Variants in TBCD observed in about 807,000 individuals in gnomAD.
TBCD encodes the protein tubulin-specific chaperone D.
A neutral mutation model predicts 169.3 loss-of-function variants in TBCD; 105 were observed. The observed-to-expected ratio is 0.62, with a 90% CI of 0.53 to 0.73. The LOEUF (loss-of-function observed/expected upper bound fraction) is 0.73. Among genes scored for constraint, TBCD ranks in the 30% least tolerant of loss-of-function variants. The probability of loss-of-function intolerance (pLI) is 0.00; values close to 1 mark genes in which losing one functional copy is unlikely to be tolerated. For missense variants in TBCD, 1,444 were observed against 1,600.1 expected (o/e 0.90, Z 1.66); for synonymous variants, 700 against 643.9 (o/e 1.09, Z -1.32).
At chr17:82,938,347 C>T (rs1345278156) in intron 36 of TBCD, among the ~76,000 whole-genome samples, 2 of 152,182 alleles carry the variant, frequency 1.3e-5, no homozygotes, top group Non-Finnish European at 2.9e-5. Context: ...GTCCGGCTGG[C>T]GTTTCTATGG....
intron 32 of TBCD, 182 bp downstream of exon 32, chr17:82,929,682 C>G (rs772271410): frequency 5.9e-6 from 5 of 841,186 alleles, no homozygotes; most frequent in Non-Finnish European, 9.7e-6. Flanking sequence ...AGGCTTAGGG[C>G]CTGTGGGATG....
intron 7 of TBCD, among the ~76,000 whole-genome samples, chr17:82,783,075 G>A (rs1288211228): frequency 1.3e-5 from 2 of 151,790 alleles, no homozygotes; most frequent in African/African-American, 4.8e-5. Flanking sequence ...GCCAGGGAGC[G>A]GGAGGCTGTC....
Position 82,945,724 on chromosome 17 carries a change from A to G in TBCD, c.*3261A>G, listed in dbSNP as rs1450001324. ...CAGCAACATCCCAGATGGAAGCAGCATCCCCCTACCCAGCTGTGACAAAAA... is the reference window on the plus strand; with the variant it reads ...CAGCAACATCCCAGATGGAAGCAGCGTCCCCCTACCCAGCTGTGACAAAAA... On this transcript the variant is annotated 3_prime_UTR_variant, in exon 39 of 39. Coordinates refer to ENST00000355528, the MANE Select transcript of TBCD (RefSeq NM_005993.5). The G allele has an allele frequency of 1.3e-5, 2 of 152,196 alleles. No homozygotes were observed. Among genetic ancestry groups the G allele is most frequent in the Non-Finnish European group, 2.9e-5 (2 of 68,036 alleles). 9.4% of individuals were successfully genotyped at this position (152,196 alleles called of 1,614,324 possible). A position where few individuals can be genotyped will look rare whatever the true frequency, so the allele number is the denominator to read the frequency against.
intron 37 of TBCD, 75 bp downstream of exon 37, chr17:82,939,551 G>A (rs372283604): frequency 6.7e-6 from 8 of 1,201,902 alleles, no homozygotes; most frequent in South Asian, 2.6e-5. Context: ...GTGTCTACTC[G>A]TCTCTCCCAA....
intron 13 of TBCD, chr17:82,830,238 T>C (rs779153725): frequency 2.7e-5 from 44 of 1,614,118 alleles, no homozygotes; most frequent in Non-Finnish European, 3.6e-5. Context: ...CAGCATCCCT[T>C]AGACTTGTCC....
In TBCD at chr17:82,884,326, C is replaced by A; in HGVS notation, c.1533+124C>A. ...ATCCACAGCAGGAGCCGCGAGGGAG[C>A]TGCTGAGAGTGCCAGCTGCGGGCAG... On this transcript the variant is annotated intron_variant, in intron 15 of 38. Transcript: ENST00000355528. This position sits in a 1 kb window ranked among gnomAD's most constrained non-coding sequence, Gnocchi z 4.2. The A allele has an allele frequency of 1.1e-6, 1 of 898,984 alleles. No homozygotes were observed. Among genetic ancestry groups the A allele is most frequent in the Non-Finnish European group, 1.8e-6 (1 of 567,530 alleles). 55.7% of individuals were successfully genotyped at this position (898,984 alleles called of 1,614,324 possible). A position where few individuals can be genotyped will look rare whatever the true frequency, so the allele number is the denominator to read the frequency against.
intron 13 of TBCD, among the ~76,000 whole-genome samples, chr17:82,854,699 C>T (rs781651196): frequency 2.6e-5 from 4 of 152,130 alleles, no homozygotes; most frequent in Non-Finnish European, 5.9e-5. Flanking sequence ...TGTAAGAGCA[C>T]GGTGCTGGAG....
At chr17:82,808,195 G>A (rs2051123781) in intron 11 of TBCD, among the ~76,000 whole-genome samples, 2 of 152,198 alleles carry the variant, frequency 1.3e-5, no homozygotes, top group Non-Finnish European at 2.9e-5. Context: ...GCCTGGAGGA[G>A]CCGGTGGCCC....
At chr17:82,914,442 G>A (rs2060883717) in intron 23 of TBCD, among the ~76,000 whole-genome samples, 1 of 152,224 alleles carries the variant, frequency 6.6e-6, no homozygotes, top group African/African-American at 2.4e-5. Context: ...GCATCTTTAT[G>A]GGAGGCATCC....
intron 34 of TBCD, among the ~76,000 whole-genome samples, chr17:82,933,095 G>A (rs557054538): frequency 1.2e-3 from 180 of 152,178 alleles, no homozygotes; most frequent in Non-Finnish European, 2.5e-4. Context: ...GATGAGACTC[G>A]CAGGGGAGAG....
At chr17:82,823,627 G>C (rs2052591273) in intron 13 of TBCD, among the ~76,000 whole-genome samples, 1 of 151,290 alleles carries the variant, frequency 6.6e-6, no homozygotes, top group African/African-American at 2.4e-5. Context: ...TGTTTAGAAA[G>C]GGCGTTGTCG....
chr17:82,852,084 CCA>C (rs954250545), intron 13 of TBCD, among the ~76,000 whole-genome samples: 1 of 152,106 alleles, frequency 6.6e-6, no homozygotes, highest in Non-Finnish European at 1.5e-5. Flanking sequence ...GCAGCCATCG[CCA>C]CAGTCAGTTG....
At chr17:82,834,725 G>A (rs1187111238) in intron 13 of TBCD, among the ~76,000 whole-genome samples, 2 of 151,964 alleles carry the variant, frequency 1.3e-5, no homozygotes. Flanking sequence ...TTAGGGGTGG[G>A]GGTCGGGGGG....
intron 26 of TBCD, among the ~76,000 whole-genome samples, chr17:82,924,420 C>T (rs144686409): frequency 1.6e-3 from 243 of 152,368 alleles, no homozygotes; most frequent in Non-Finnish European, 2.9e-3. Flanking sequence ...CCTGCACCCC[C>T]GTGCTGAAGT....
chr17:82,799,026 C>T (rs999421167), intron 8 of TBCD, among the ~76,000 whole-genome samples: 2 of 152,198 alleles, frequency 1.3e-5, no homozygotes, highest in Non-Finnish European at 2.9e-5. Context: ...TGAGCCACCA[C>T]GCCTGGCTCA....
chr17:82,887,901 T>A (rs946246546), intron 15 of TBCD, among the ~76,000 whole-genome samples: 2 of 152,184 alleles, frequency 1.3e-5, no homozygotes. Flanking sequence ...TTTGGTGAAA[T>A]GTCTGCTCAG....
intron 7 of TBCD, among the ~76,000 whole-genome samples, chr17:82,788,258 A>T (rs941211326): frequency 6.6e-6 from 1 of 152,156 alleles, no homozygotes; most frequent in African/African-American, 2.4e-5. Flanking sequence ...TACAAAAAGG[A>T]AAATGGCTGT....
intron 9 of TBCD, among the ~76,000 whole-genome samples, chr17:82,804,408 C>T (rs1439296440): frequency 2.0e-5 from 3 of 148,756 alleles, no homozygotes; most frequent in Middle Eastern, 3.4e-3. Context: ...GCTTCTTAAA[C>T]AGTGCACTTT....
In TBCD at chr17:82,813,261, T is replaced by C. The variant is rs963853396; in HGVS notation, c.1224-1579T>C. 3.9e-5 allele frequency among the ~76,000 whole-genome samples: 6 copies of C among 152,190 alleles called. No individual in the cohort carries two copies. The East Asian group carries it at 1.2e-3, about 29-fold the overall frequency. On this transcript the variant is annotated intron_variant, in intron 12 of 38. Coordinates refer to ENST00000355528, the MANE Select transcript of TBCD (RefSeq NM_005993.5). ...AGACCCGTGTACCTGCGACACTCTT[T>C]ACCCGCCTCCTCTCTCTCTCTCTCT...
Sources: gnomAD v4.1 joint callset for allele counts (sites outside exome capture counted in the v4.1 genomes callset) on GRCh38, gnomAD v4.1.1 for gene constraint, Gnocchi (gnomAD v3.1) non-coding constraint, MANE v1.5 for transcripts, NCBI Gene and HGNC (gene_info 2026-07-23, HGNC 2026-07-21) for gene names.